The following CRYBA4 variants were observed in gnomAD, a reference collection of about 807,000 sequenced individuals.
The protein encoded by CRYBA4 is beta-crystallin A4.
CRYBA4 carries 30 observed loss-of-function variants against 31.7 expected under a neutral mutation model. The observed-to-expected ratio is 0.95, with a 90% confidence interval of 0.71 to 1.28. The LOEUF (loss-of-function observed/expected upper bound fraction) is 1.28, where lower values mean the gene tolerates loss of function less well. Ranked by LOEUF, CRYBA4 falls within the 50% of genes most tolerant of loss-of-function variation. The pLI is 0.00. For missense variants in CRYBA4, 225 were observed against 260.7 expected (o/e 0.86, Z 0.94); for synonymous variants, 102 against 102.3 (o/e 1.00, Z 0.02).
chr22:26,600,244 A>G, the CRYBA4 span, among the ~76,000 whole-genome samples: 1 of 152,138 alleles, frequency 6.6e-6, no homozygotes, highest in Non-Finnish European at 1.5e-5. Flanking sequence ...TACTAAAAAT[A>G]CAAAAAAATT....
rs1222628681 is a variant in CRYBA4, at chr22:26,627,482, CTTTCCTTT to C, written c.301-804_301-797del. 5.3e-3 allele frequency among the ~76,000 whole-genome samples: 211 copies of C among 39,892 alleles called. 6 individuals are homozygous for C. The highest frequency in any genetic ancestry group is 0.018 in the Admixed American group (49 of 2,746). 26.2% of individuals were successfully genotyped at this position (39,892 alleles called of 152,430 possible). ...TTTCTTTCTTTCTTTCTTTCTCTTT[CTTTCCTTT>C]TCTTTCTTTCTTTCTTTCTTTCTTT... On this transcript the variant is annotated intron_variant, in intron 4 of 5. Transcript: ENST00000354760.
At chr22:26,599,757 T>G in the CRYBA4 span, 1 of 1,046,280 alleles carries the variant, frequency 9.6e-7, no homozygotes, top group Non-Finnish European at 1.5e-6. Flanking sequence ...AGCCTGTCCT[T>G]CATTGATCCC....
chr22:26,601,830 T>G, the CRYBA4 span: 1 of 1,610,742 alleles, frequency 6.2e-7, no homozygotes, highest in Non-Finnish European at 8.5e-7. Context: ...CCTCTGATTC[T>G]GCCTGTGCTT....
At chr22:26,630,277 C>G (rs1602344289) in intron 5 of CRYBA4, 63 bp from the exon 6 acceptor site, 2 of 1,605,386 alleles carry the variant, frequency 1.2e-6, no homozygotes, top group East Asian at 4.5e-5. Flanking sequence ...ATCCCTTTGC[C>G]CCTGTGTTGA....
rs182284999 is a variant in CRYBA4 at position 26,628,431 on chromosome 22, G to A, written c.443+1G>A. On this transcript the variant is annotated splice_donor_variant, in intron 5 of 5. Coordinates refer to ENST00000354760, the MANE Select transcript of CRYBA4 (RefSeq NM_001886.3). LOFTEE classifies it high-confidence loss of function. ...GGTCCTTCCACGTCCACTCTGGGGC[G>A]TAAGTGTATTCAAGGCTCTACCTGG... 92 of 1,614,062 alleles carry A rather than the reference G, an allele frequency of 5.7e-5. No individual in the cohort carries two copies. Among genetic ancestry groups the A allele is most frequent in the Non-Finnish European group, 6.9e-5 (82 of 1,179,984 alleles).
At chr22:26,612,061 C>T in the CRYBA4 span, 4 of 1,597,110 alleles carry the variant, frequency 2.5e-6, no homozygotes, top group Admixed American at 1.7e-5. Context: ...CCTCCGCCGC[C>T]CAGTACTCAC....
upstream of CRYBA4, among the ~76,000 whole-genome samples, chr22:26,617,154 T>G (rs900317458): frequency 1.3e-5 from 2 of 151,852 alleles, no homozygotes; most frequent in Non-Finnish European, 2.9e-5. Flanking sequence ...ATGTGGAGGG[T>G]TCTGAAAATG....
At chr22:26,621,952 G>C (rs1232008301), upstream of CRYBA4, 7 of 985,554 alleles carry the variant, frequency 7.1e-6, no homozygotes, top group Non-Finnish European at 8.4e-6. Context: ...ACCTCGGCTG[G>C]TCTCAGATCT....
intron 4 of CRYBA4, among the ~76,000 whole-genome samples, chr22:26,626,647 T>C (rs1016532157): frequency 1.3e-5 from 2 of 152,274 alleles, no homozygotes; most frequent in East Asian, 3.9e-4. Flanking sequence ...ATACTTACAG[T>C]TGAGCAGCCT....
chr22:26,600,123 T>C, the CRYBA4 span, among the ~76,000 whole-genome samples: 2 of 152,208 alleles, frequency 1.3e-5, no homozygotes, highest in Admixed American at 6.5e-5. Context: ...TTTTCTTGGC[T>C]GGGCGCGGTG....
the CRYBA4 span, among the ~76,000 whole-genome samples, chr22:26,597,610 T>C: frequency 2.0e-5 from 3 of 152,126 alleles, no homozygotes; most frequent in Non-Finnish European, 4.4e-5. Flanking sequence ...AAGATATCCA[T>C]AGCAACCCCG....
the CRYBA4 span, among the ~76,000 whole-genome samples, chr22:26,615,817 C>G: frequency 2.0e-5 from 3 of 152,132 alleles, no homozygotes; most frequent in Admixed American, 2.0e-4. Context: ...CCCGGCCCCA[C>G]TTTCTCCAAG....
At chr22:26,595,472 G>A in the CRYBA4 span, among the ~76,000 whole-genome samples, 6 of 151,904 alleles carry the variant, frequency 3.9e-5, no homozygotes, top group African/African-American at 1.5e-4. Flanking sequence ...CCAGCTACTC[G>A]GGAGGCTGAG....
chr22:26,629,746 A>AAAAAAAAAAAAAC (rs1929864080), intron 5 of CRYBA4, among the ~76,000 whole-genome samples: 1 of 151,120 alleles, frequency 6.6e-6, no homozygotes, highest in African/African-American at 2.4e-5. Flanking sequence ...AAAAAAAAAA[A>AAAAAAAAAAAAAC]AAAAAAAAAA....
the CRYBA4 span, among the ~76,000 whole-genome samples, chr22:26,615,733 C>G: frequency 6.6e-6 from 1 of 152,038 alleles, no homozygotes; most frequent in African/African-American, 2.4e-5. Context: ...AGGCTGGTCT[C>G]GAACTCCTGA....
chr22:26,609,539 T>C, the CRYBA4 span, among the ~76,000 whole-genome samples: 5 of 151,894 alleles, frequency 3.3e-5, no homozygotes, highest in African/African-American at 9.7e-5. Flanking sequence ...GGTAGATGGA[T>C]GGGTGGGTAG....
chr22:26,609,684 T>C, the CRYBA4 span, among the ~76,000 whole-genome samples: 4 of 152,138 alleles, frequency 2.6e-5, no homozygotes, highest in South Asian at 2.1e-4. Flanking sequence ...AGATGGATGA[T>C]GAATAAATGG....
At chr22:26,625,972 A>G (rs2239832) in intron 4 of CRYBA4, among the ~76,000 whole-genome samples, 48,462 of 151,654 alleles carry the variant, frequency 0.32, 9,692 homozygotes, top group African/African-American at 0.56. Flanking sequence ...GGCCAAGTGG[A>G]GAGGAAAGGT....
chr22:26,620,776 T>C (rs1344639436), upstream of CRYBA4, among the ~76,000 whole-genome samples: 1 of 152,098 alleles, frequency 6.6e-6, no homozygotes, highest in Non-Finnish European at 1.5e-5. Context: ...TTGGCCAGCC[T>C]GGTCTTGAAC....
Sources: allele counts gnomAD v4.1 joint callset (sites outside exome capture counted in the v4.1 genomes callset), GRCh38; gene constraint gnomAD v4.1.1; transcripts MANE v1.5; gene names NCBI Gene and HGNC (gene_info 2026-07-23, HGNC 2026-07-21).